The following HECW1 variants were observed in gnomAD, a reference collection of about 807,000 sequenced individuals.
HECW1 encodes E3 ubiquitin-protein ligase HECW1.
HECW1 carries 61 observed loss-of-function variants against 182.3 expected under a neutral mutation model. The observed-to-expected ratio is 0.33, with a 90% CI of 0.27 to 0.41. The LOEUF (loss-of-function observed/expected upper bound fraction) is 0.41, where lower values mean the gene tolerates loss of function less well. Among genes scored for constraint, HECW1 ranks in the 10% least tolerant of loss-of-function variants. The probability of loss-of-function intolerance (pLI) is 1.00; values close to 1 mark genes in which losing one functional copy is unlikely to be tolerated. For missense variants in HECW1, 1,739 were observed against 2,108.9 expected, an observed-to-expected ratio of 0.82 and a Z score of 3.44; for synonymous variants, 859 against 832.6, an observed-to-expected ratio of 1.03 and a Z score of -0.55.
chr7:43,541,163 G>A lies in HECW1; in HGVS notation c.4020G>A (p.Trp1340Ter). 1.2e-6 allele frequency: 2 copies of A among 1,612,848 alleles called. No individual in the cohort carries two copies. Among genetic ancestry groups the A allele is most frequent in the Non-Finnish European group, 1.7e-6 (2 of 1,178,844 alleles). Residue 1340 changes from tryptophan (W) to a stop codon, truncating the protein, a stop_gained and splice_region_variant, in exon 25 of 30, where the codon TGG (tryptophan) becomes TGA (stop). Transcript: ENST00000395891. LOFTEE classifies it high-confidence loss of function. ...MSAFVENHLE[W>*]FRFSGRILGL... ...TTTCTCTGCCTTGTCTGTGTTCCAG[G>A]TTCAGGTTTAGCGGTCGCATCCTGG... is the stretch of plus-strand genomic sequence containing the variant.
intron 8 of HECW1, among the ~76,000 whole-genome samples, chr7:43,416,503 A>G (rs1172993352): frequency 1.3e-5 from 2 of 152,078 alleles, no homozygotes; most frequent in Non-Finnish European, 2.9e-5. Context: ...ACCTGCCCCC[A>G]GAGGTGGGGC....
At chr7:43,317,258 T>C (rs543442676) in intron 4 of HECW1, among the ~76,000 whole-genome samples, 1 of 152,188 alleles carries the variant, frequency 6.6e-6, no homozygotes, top group Non-Finnish European at 1.5e-5. Flanking sequence ...GGCAGTGACC[T>C]ACTCCGCTTG....
intron 17 of HECW1, among the ~76,000 whole-genome samples, chr7:43,481,879 G>A (rs187212731): frequency 1.5e-5 from 2 of 137,164 alleles, no homozygotes; most frequent in Admixed American, 7.3e-5. Context: ...CCAGCTACTC[G>A]GGAGGCTGAG....
chr7:43,328,669 T>A (rs112460261), intron 5 of HECW1, among the ~76,000 whole-genome samples: 3 of 152,168 alleles, frequency 2.0e-5, no homozygotes, highest in Non-Finnish European at 2.9e-5. Context: ...TCAGATTAAA[T>A]AACAAAGCAT....
rs771903580 is a variant in HECW1 at position 43,444,615 on chromosome 7, C to A, written c.1443C>A (p.Ser481Arg). 6.2e-7 allele frequency: 1 copy of A among 1,610,624 alleles called. No homozygotes were observed. The highest frequency in any genetic ancestry group is 1.3e-5 in the African/African-American group (1 of 74,980). The change falls in exon 11 of 30, where the codon AGC (serine) becomes AGA (arginine). Residue 481 changes from serine (S) to arginine (R), a missense_variant. Physicochemically the swap from Ser to Arg is moderately radical, Grantham distance 110. Coordinates refer to ENST00000395891, the MANE Select transcript of HECW1 (RefSeq NM_015052.5). This position sits in a 1 kb window ranked among gnomAD's most constrained non-coding sequence, Gnocchi z 4.3. Reference protein sequence around the residue: ...LLLEDGEAPASTKEEPLEEEA... With the variant: ...LLLEDGEAPARTKEEPLEEEA... ...TGGAAGACGGTGAAGCCCCAGCCAG[C>A]ACCAAGGAGGAGCCCTTGGAGGAGG...
intron 3 of HECW1, among the ~76,000 whole-genome samples, chr7:43,281,213 A>G (rs1803858306): frequency 6.6e-6 from 1 of 152,156 alleles, no homozygotes; most frequent in South Asian, 2.1e-4. Flanking sequence ...AGGAAGCCCC[A>G]GCCCGAATCA....
At chr7:43,241,854 A>C (rs4623323) in intron 2 of HECW1, among the ~76,000 whole-genome samples, 64,231 of 151,840 alleles carry the variant, frequency 0.42, 13,945 homozygotes, top group Middle Eastern at 0.49. Flanking sequence ...TAATAACTAC[A>C]GGGTACTATT....
chr7:43,125,813 A>G (rs1410219667), intron 2 of HECW1, among the ~76,000 whole-genome samples: 1 of 148,902 alleles, frequency 6.7e-6, no homozygotes, highest in Non-Finnish European at 1.5e-5. Context: ...TTGCCACTGA[A>G]TGGAGCCAAG....
At chr7:43,493,010 G>A in intron 18 of HECW1, 74 bp from the exon 19 acceptor site, 2 of 974,738 alleles carry the variant, frequency 2.1e-6, no homozygotes, top group Non-Finnish European at 3.1e-6. Context: ...GTATCAAGCA[G>A]CCATTTTCCA....
At chr7:43,461,574 G>C (rs2077584168) in intron 13 of HECW1, among the ~76,000 whole-genome samples, 1 of 152,212 alleles carries the variant, frequency 6.6e-6, no homozygotes. Flanking sequence ...GCAGCTTCTT[G>C]CTGGCAACCC....
chr7:43,142,338 C>A lies in HECW1; in HGVS notation c.-32+27947C>A, dbSNP rs187886218. ...TCCCAAGATAATTCTTACTCGCACT[C>A]CAGTGTTCCCCTAGGGCAGCTTTGT... On this transcript the variant is annotated intron_variant, in intron 2 of 29. Transcript: ENST00000395891. Among the ~76,000 whole-genome samples, 22 of 152,298 alleles carry A rather than the reference C, an allele frequency of 1.4e-4. No homozygotes were observed. The East Asian group carries it at 3.9e-3, about 27-fold the overall frequency.
chr7:43,296,275 T>C (rs1053604934), intron 3 of HECW1, among the ~76,000 whole-genome samples: 7 of 152,246 alleles, frequency 4.6e-5, no homozygotes, highest in Admixed American at 3.9e-4. Flanking sequence ...TACATAATTA[T>C]GGGGCCTTGC....
intron 5 of HECW1, among the ~76,000 whole-genome samples, chr7:43,332,108 A>G (rs1421974912): frequency 1.3e-5 from 2 of 152,188 alleles, no homozygotes; most frequent in African/African-American, 4.8e-5. Context: ...CGCTTTCCTA[A>G]CAAGAAGAGA....
intron 2 of HECW1, among the ~76,000 whole-genome samples, chr7:43,130,817 G>A (rs1031099574): frequency 1.3e-5 from 2 of 151,940 alleles, no homozygotes; most frequent in African/African-American, 2.4e-5. Flanking sequence ...CATTTCAAAC[G>A]TTGTAGTATT....
intron 2 of HECW1, among the ~76,000 whole-genome samples, chr7:43,219,182 T>G (rs1165783191): frequency 1.3e-5 from 2 of 152,006 alleles, no homozygotes; most frequent in Non-Finnish European, 2.9e-5. Flanking sequence ...GCCAGGCACA[T>G]GTAGGGGCAA....
chr7:43,209,470 G>T (rs1222771553), intron 2 of HECW1, among the ~76,000 whole-genome samples: 3 of 152,154 alleles, frequency 2.0e-5, no homozygotes, highest in South Asian at 2.1e-4. Flanking sequence ...TTTCTCAGGG[G>T]TATCTCGCGG....
chr7:43,342,566 A>G (rs1409246170), intron 5 of HECW1, among the ~76,000 whole-genome samples: 1 of 151,308 alleles, frequency 6.6e-6, no homozygotes, highest in African/African-American at 2.5e-5. Context: ...ATCTGAAGAC[A>G]TTGTACTTTC....
chr7:43,519,745 TAGAG>T (rs1256367228), intron 24 of HECW1, among the ~76,000 whole-genome samples: 9 of 152,134 alleles, frequency 5.9e-5, no homozygotes, highest in South Asian at 2.1e-4. Context: ...TACCAGGTGA[TAGAG>T]AAAGATTTCC....
chr7:43,150,021 G>A (rs1789128742), intron 2 of HECW1, among the ~76,000 whole-genome samples: 1 of 152,072 alleles, frequency 6.6e-6, no homozygotes, highest in Admixed American at 6.5e-5. Flanking sequence ...ATTATCTCAT[G>A]ATATCTTCTT....
Sources: gnomAD v4.1 joint callset for allele counts (sites outside exome capture counted in the v4.1 genomes callset) on GRCh38, gnomAD v4.1.1 for gene constraint, Gnocchi (gnomAD v3.1) non-coding constraint, MANE v1.5 for transcripts, NCBI Gene and HGNC (gene_info 2026-07-23, HGNC 2026-07-21) for gene names.